The following DNAH7 variants were observed in gnomAD, a reference collection of about 807,000 sequenced individuals.
DNAH7 encodes the protein dynein axonemal heavy chain 7, also known as axonemal beta dynein heavy chain 7.
A neutral mutation model predicts 444.6 loss-of-function variants in DNAH7; 397 were observed. The observed-to-expected ratio is 0.89, with a 90% CI of 0.82 to 0.97. DNAH7 has a LOEUF of 0.97. DNAH7 is among the 50% of genes least tolerant of loss of function. The probability of loss-of-function intolerance (pLI) is 0.00; values close to 1 mark genes in which losing one functional copy is unlikely to be tolerated. For missense variants in DNAH7, 4,902 were observed against 4,800.8 expected (o/e 1.02, Z -0.62); for synonymous variants, 1,636 against 1,624.4 (o/e 1.01, Z -0.17).
At chr2:195,862,663 C>T (rs1219816773) in intron 41 of DNAH7, among the ~76,000 whole-genome samples, 1 of 152,180 alleles carries the variant, frequency 6.6e-6, no homozygotes, top group Non-Finnish European at 1.5e-5. Context: ...TCTGTCTAGA[C>T]ACTTGACTTC....
At chr2:195,871,848 G>A (rs1366157064) in intron 40 of DNAH7, among the ~76,000 whole-genome samples, 4 of 106,174 alleles carry the variant, frequency 3.8e-5, no homozygotes, top group Non-Finnish European at 6.8e-5. Flanking sequence ...GGAGAATGGC[G>A]TGAACCCGGG....
chr2:195,943,113 T>A (rs1689570673), intron 19 of DNAH7, among the ~76,000 whole-genome samples: 1 of 152,262 alleles, frequency 6.6e-6, no homozygotes, highest in African/African-American at 2.4e-5. Flanking sequence ...GTGACTTTGC[T>A]TCTCATTTAC....
At chr2:195,910,308 A>G in intron 24 of DNAH7, 113 bp from the exon 25 acceptor site, 1 of 833,182 alleles carries the variant, frequency 1.2e-6, no homozygotes, top group South Asian at 2.2e-5. Flanking sequence ...TTCCTCTTTG[A>G]TAATTTCTTC....
chr2:195,997,068 G>C (rs1693738591), intron 12 of DNAH7, among the ~76,000 whole-genome samples: 1 of 152,148 alleles, frequency 6.6e-6, no homozygotes, highest in Non-Finnish European at 1.5e-5. Flanking sequence ...GATGTACTGT[G>C]TGCAATGTAA....
At chr2:195,820,714 A>G (rs1697425293) in intron 49 of DNAH7, among the ~76,000 whole-genome samples, 1 of 152,212 alleles carries the variant, frequency 6.6e-6, no homozygotes. Flanking sequence ...AAATTGTAGC[A>G]GCTAAAAAAT....
chr2:195,807,020 G>A (rs995641046), intron 53 of DNAH7, among the ~76,000 whole-genome samples, 188 bp from the exon 54 acceptor site: 4 of 152,068 alleles, frequency 2.6e-5, no homozygotes, highest in Non-Finnish European at 1.5e-5. Context: ...CTTTAAAGGA[G>A]TCAAAACAAG....
intron 61 of DNAH7, among the ~76,000 whole-genome samples, chr2:195,767,353 T>C (rs541792783): frequency 2.2e-4 from 33 of 152,182 alleles, no homozygotes; most frequent in African/African-American, 7.7e-4. Context: ...ATATAGTCAT[T>C]CTTTGTAAAT....
At chr2:195,741,536 G>A (rs966317756) in intron 63 of DNAH7, among the ~76,000 whole-genome samples, 2 of 152,198 alleles carry the variant, frequency 1.3e-5, no homozygotes, top group Non-Finnish European at 2.9e-5. Context: ...AAAACTGATT[G>A]TAACAGTACA....
intron 57 of DNAH7, among the ~76,000 whole-genome samples, chr2:195,791,395 G>T (rs1399432686): frequency 2.1e-5 from 3 of 141,718 alleles, no homozygotes; most frequent in African/African-American, 7.8e-5. Context: ...AAAAAAAAAA[G>T]TCAAAACACA....
intron 1 of DNAH7, chr2:196,068,464 T>C (rs13028754): frequency 0.56 from 317,943 of 566,204 alleles, 94,547 homozygotes; most frequent in South Asian, 0.62. Context: ...GGCGCGCCGC[T>C]AGGCGGCTAG....
chr2:195,742,136 C>G (rs1396195949), intron 63 of DNAH7, among the ~76,000 whole-genome samples: 1 of 152,094 alleles, frequency 6.6e-6, no homozygotes, highest in Non-Finnish European at 1.5e-5. Flanking sequence ...GACCTTGATT[C>G]CAGGGCAGTG....
In DNAH7 at chr2:195,871,943, A is replaced by C. The variant is rs1292181849; in HGVS notation, c.6633+307T>G. ...GAGACTCCGTCTCAAAAAAAAAAAA[A>C]AAAAAAAAAAAAAAAAAAAAAAAAA... On this transcript the variant is annotated intron_variant, in intron 40 of 64. Transcript: ENST00000312428. Among the ~76,000 whole-genome samples the C allele has an allele frequency of 1.1e-4, 8 of 74,360 alleles. No homozygotes were observed. The African/African-American group carries it at 1.4e-3, about 13-fold the overall frequency. 48.8% of individuals were successfully genotyped at this position (74,360 alleles called of 152,430 possible).
intron 19 of DNAH7, among the ~76,000 whole-genome samples, chr2:195,952,910 C>T (rs973818619): frequency 3.3e-5 from 5 of 152,066 alleles, no homozygotes; most frequent in African/African-American, 9.7e-5. Flanking sequence ...TTGTTATTAC[C>T]CACCTTCTGA....
At chr2:196,005,252 T>A (rs1694295150) in intron 10 of DNAH7, among the ~76,000 whole-genome samples, 2 of 150,970 alleles carry the variant, frequency 1.3e-5, no homozygotes, top group Non-Finnish European at 1.5e-5. Context: ...CCAGCCTGGG[T>A]GACAGGGCAA....
At chr2:195,894,568 T>C (rs1702198001) in intron 30 of DNAH7, 1 of 153,842 alleles carries the variant, frequency 6.5e-6, no homozygotes, top group African/African-American at 2.4e-5. Flanking sequence ...TCATTATATA[T>C]GTGTGCACAT....
chr2:195,885,288 A>G (rs1371080881), intron 34 of DNAH7, among the ~76,000 whole-genome samples: 1 of 152,230 alleles, frequency 6.6e-6, no homozygotes, highest in Non-Finnish European at 1.5e-5. Context: ...CAATTCTGCA[A>G]GCAAAAGATA....
At chr2:195,976,719 A>G (rs1692207015) in intron 15 of DNAH7, among the ~76,000 whole-genome samples, 1 of 106,580 alleles carries the variant, frequency 9.4e-6, no homozygotes, top group Admixed American at 1.0e-4. Context: ...CAGGCAGCTT[A>G]GCAGACAGAG....
chr2:195,933,447 C>A (rs570876094), intron 21 of DNAH7, among the ~76,000 whole-genome samples: 1 of 152,118 alleles, frequency 6.6e-6, no homozygotes, highest in Admixed American at 6.5e-5. Context: ...GACATATGCA[C>A]ATGTATGTTT....
rs768996182 is a variant in DNAH7, at chr2:195,864,436, A to G, written c.7219T>C (p.Ser2407Pro). 1 of 1,613,848 alleles carries G rather than the reference A, an allele frequency of 6.2e-7. No homozygotes were observed. The highest frequency in any genetic ancestry group is 8.5e-7 in the Non-Finnish European group (1 of 1,179,982). ...LFTDTQIKEESFLEDVSNLLN... is the reference protein window; with the variant it reads ...LFTDTQIKEEPFLEDVSNLLN... ...AGATTACTGACATCTTCCAGAAAAG[A>G]CTCTTCTTTAATTTGAGTATCTGTA... is the stretch of plus-strand genomic sequence containing the variant. The change falls in exon 41 of 65, where the codon TCT (serine) becomes CCT (proline). Residue 2407 changes from serine to proline, a missense_variant. By Grantham distance (74) the Ser-to-Pro change is moderately conservative. Transcript: ENST00000312428.
Sources: gnomAD v4.1 joint callset for allele counts (sites outside exome capture counted in the v4.1 genomes callset) on GRCh38, gnomAD v4.1.1 for gene constraint, MANE v1.5 for transcripts, NCBI Gene and HGNC (gene_info 2026-07-23, HGNC 2026-07-21) for gene names.